GABRG3: variants seen among roughly 807,000 people sequenced by gnomAD.
The protein encoded by GABRG3 is gamma-aminobutyric acid receptor subunit gamma-3.
A neutral mutation model predicts 48.8 loss-of-function variants in GABRG3; 25 were observed. The observed-to-expected ratio is 0.51, with a 90% CI of 0.37 to 0.72. The LOEUF is 0.72. Among genes scored for constraint, GABRG3 ranks in the 30% least tolerant of loss-of-function variants. The probability of loss-of-function intolerance (pLI) is 0.00; values close to 1 mark genes in which losing one functional copy is unlikely to be tolerated. For synonymous variants in GABRG3, 227 were observed against 217.6 expected (o/e 1.04, Z -0.38); for missense variants, 394 against 577.9 (o/e 0.68, Z 3.26).
intron 3 of GABRG3, among the ~76,000 whole-genome samples, chr15:27,115,770 T>C (rs1187464298): frequency 6.6e-6 from 1 of 152,170 alleles, no homozygotes; most frequent in Non-Finnish European, 1.5e-5. Context: ...TTTCATGCAT[T>C]TATGAACAGA....
At chr15:27,108,767 C>T (rs1032766231) in intron 3 of GABRG3, among the ~76,000 whole-genome samples, 1 of 152,104 alleles carries the variant, frequency 6.6e-6, no homozygotes, top group Non-Finnish European at 1.5e-5. Flanking sequence ...TAGGTTTCTA[C>T]ACATTTAAGA....
At chr15:27,234,528 TG>T (rs1297349828) in intron 3 of GABRG3, among the ~76,000 whole-genome samples, 1 of 152,210 alleles carries the variant, frequency 6.6e-6, no homozygotes, top group East Asian at 1.9e-4. Context: ...AGGCAAGCTG[TG>T]TGATCTGCCT....
chr15:27,358,695 C>T (rs1894922064), intron 5 of GABRG3, among the ~76,000 whole-genome samples: 1 of 152,104 alleles, frequency 6.6e-6, no homozygotes, highest in Non-Finnish European at 1.5e-5. Flanking sequence ...TTAAGGAACG[C>T]CCAGAGAAAG....
chr15:27,447,029 T>G lies in GABRG3; in HGVS notation c.575-33621T>G, dbSNP rs12595109. Among the ~76,000 whole-genome samples the G allele has an allele frequency of 0.22, 33,918 of 152,072 alleles. 5,609 individuals carry two copies. The highest frequency in any genetic ancestry group is 0.44 in the African/African-American group (18,180 of 41,454). On this transcript the variant is annotated intron_variant, in intron 5 of 9. Transcript: ENST00000615808. The surrounding 1 kb of genome is among the most constrained non-coding windows in gnomAD (Gnocchi z 4.0). The stretch of plus-strand genomic sequence containing the variant: ...CAGGGGCAGTACTATGCATTGAGGG[T>G]CTAGGGATGAACCCCACACAAAGCC...
intron 5 of GABRG3, among the ~76,000 whole-genome samples, chr15:27,353,430 T>C (rs891712146): frequency 2.0e-5 from 3 of 146,800 alleles, no homozygotes; most frequent in Non-Finnish European, 4.4e-5. Flanking sequence ...TTCTTTCTAT[T>C]TATTTATTTA....
intron 3 of GABRG3, among the ~76,000 whole-genome samples, chr15:27,061,712 CTT>C (rs1279542357): frequency 2.0e-5 from 3 of 152,102 alleles, no homozygotes; most frequent in Admixed American, 6.5e-5. Context: ...GAAAAAAAGT[CTT>C]TTCCCTGCTA....
intron 5 of GABRG3, among the ~76,000 whole-genome samples, chr15:27,479,789 C>T (rs1890052679): frequency 6.6e-6 from 1 of 152,202 alleles, no homozygotes; most frequent in Non-Finnish European, 1.5e-5. Context: ...AGGGCATGCC[C>T]TGTGAGGCAG....
intron 3 of GABRG3, among the ~76,000 whole-genome samples, chr15:27,091,734 A>G (rs1897188844): frequency 6.6e-6 from 1 of 152,190 alleles, no homozygotes; most frequent in Non-Finnish European, 1.5e-5. Context: ...AAAACCAACA[A>G]ACGTGGTTCC....
chr15:27,024,307 G>A (rs1895947699), intron 2 of GABRG3, among the ~76,000 whole-genome samples: 1 of 152,102 alleles, frequency 6.6e-6, no homozygotes, highest in Non-Finnish European at 1.5e-5. Context: ...TTTAAATTTT[G>A]TTATAGTCAA....
At chr15:27,268,462 C>A (rs1341970579) in intron 3 of GABRG3, among the ~76,000 whole-genome samples, 1 of 151,702 alleles carries the variant, frequency 6.6e-6, no homozygotes, top group Non-Finnish European at 1.5e-5. Context: ...TTTTATTAAT[C>A]TCAAATAACC....
At chr15:27,026,925 C>A in intron 3 of GABRG3, 104 bp downstream of exon 3, 1 of 694,856 alleles carries the variant, frequency 1.4e-6, no homozygotes. Context: ...GTTTAAAACT[C>A]ACACTGACTT....
At chr15:27,376,926 CT>C (rs1273977133) in intron 5 of GABRG3, among the ~76,000 whole-genome samples, 1 of 152,158 alleles carries the variant, frequency 6.6e-6, no homozygotes, top group African/African-American at 2.4e-5. Flanking sequence ...CATTGTCAGG[CT>C]GCAAATTTTC....
chr15:27,076,546 G>C (rs561780655), intron 3 of GABRG3, among the ~76,000 whole-genome samples: 4 of 151,904 alleles, frequency 2.6e-5, no homozygotes, highest in African/African-American at 7.3e-5. Flanking sequence ...GGATGTTCTC[G>C]ATCTCCTGAC....
intron 3 of GABRG3, among the ~76,000 whole-genome samples, chr15:27,028,614 G>C (rs532731952): frequency 6.6e-6 from 1 of 151,988 alleles, no homozygotes; most frequent in Non-Finnish European, 1.5e-5. Context: ...AGACCAGCCT[G>C]GTCAACGTGA....
At chr15:27,469,140 T>C (rs1889706038) in intron 5 of GABRG3, among the ~76,000 whole-genome samples, 1 of 152,192 alleles carries the variant, frequency 6.6e-6, no homozygotes, top group East Asian at 1.9e-4. Context: ...CTTCATTAGC[T>C]ACCTCTAACA....
At chr15:27,501,347 C>T (rs975662652) in intron 6 of GABRG3, among the ~76,000 whole-genome samples, 2 of 152,126 alleles carry the variant, frequency 1.3e-5, no homozygotes, top group Admixed American at 6.5e-5. Context: ...GTGATGTAAC[C>T]AGAACAGACT....
chr15:27,306,309 AATATAAACATGTCTAT>A (rs1275363447), intron 3 of GABRG3, among the ~76,000 whole-genome samples: 2 of 136,038 alleles, frequency 1.5e-5, no homozygotes, highest in Non-Finnish European at 3.0e-5. Context: ...ACATATATAT[AATATAAACATGTCTAT>A]ATATAAACAT....
rs554279193 is a variant in GABRG3, at chr15:27,350,914, A to G, written c.574+22026A>G. Among the ~76,000 whole-genome samples the G allele has an allele frequency of 5.4e-3, 789 of 146,674 alleles. 4 individuals carry two copies. Among genetic ancestry groups the G allele is most frequent in the African/African-American group, 0.019 (735 of 39,612 alleles). ...TCGTGTGTGTTTGTGTGTGTGTATC[A>G]TGTGTGTTTGTGTGTGTGTATCGTG... On this transcript the variant is annotated intron_variant, in intron 5 of 9. Transcript: ENST00000615808.
intron 3 of GABRG3, among the ~76,000 whole-genome samples, chr15:27,126,001 A>C (rs1210833946): frequency 6.6e-6 from 1 of 152,166 alleles, no homozygotes; most frequent in Admixed American, 6.5e-5. Context: ...TATGCATGCA[A>C]CTCAGCAGAG....
Sources: allele counts gnomAD v4.1 joint callset (sites outside exome capture counted in the v4.1 genomes callset), GRCh38; gene constraint gnomAD v4.1.1; non-coding constraint Gnocchi (gnomAD v3.1); transcripts MANE v1.5; gene names NCBI Gene and HGNC (gene_info 2026-07-23, HGNC 2026-07-21).